MDN1: variants seen among roughly 807,000 people sequenced by gnomAD.
The protein encoded by MDN1 is midasin AAA ATPase 1.
MDN1 carries 266 observed loss-of-function variants against 669.2 expected under a neutral mutation model. The ratio of observed to expected loss-of-function variants is 0.40; its 90% CI spans 0.36 to 0.44. The LOEUF is 0.44. Among genes scored for constraint, MDN1 ranks in the 20% least tolerant of loss-of-function variants. The probability of loss-of-function intolerance (pLI) is 1.00; values close to 1 mark genes in which losing one functional copy is unlikely to be tolerated. For missense variants in MDN1, 5,940 were observed against 6,754.0 expected, an observed-to-expected ratio of 0.88 and a Z score of 4.22; for synonymous variants, 2,385 against 2,457.1, an observed-to-expected ratio of 0.97 and a Z score of 0.87.
Position 89,789,775 on chromosome 6 carries a change from C to T in MDN1, c.1230+5G>A, listed in dbSNP as rs1399951685. ...AGGGACAATGAATTTCCTGAGATGA[C>T]ATACCACGTCTAAGGGGGCATAGTC... On this transcript the variant is annotated splice_donor_5th_base_variant and intron_variant, in intron 7 of 101. Coordinates refer to ENST00000369393, the MANE Select transcript of MDN1 (RefSeq NM_014611.3). The T allele has an allele frequency of 2.5e-6, 4 of 1,583,192 alleles. No homozygotes were observed. Among genetic ancestry groups the T allele is most frequent in the South Asian group, 1.2e-5 (1 of 86,718 alleles).
At chr6:89,729,947 TG>T (rs1368703261) in intron 35 of MDN1, among the ~76,000 whole-genome samples, 2 of 152,182 alleles carry the variant, frequency 1.3e-5, no homozygotes, top group Admixed American at 6.5e-5. Flanking sequence ...GAACCTGGAC[TG>T]GTTATGTTCA....
intron 64 of MDN1, among the ~76,000 whole-genome samples, 184 bp from the exon 65 acceptor site, chr6:89,690,327 C>A (rs1236094170): frequency 5.9e-5 from 9 of 152,088 alleles, no homozygotes; most frequent in South Asian, 4.2e-4. Context: ...AATCCCTGTG[C>A]TTTGGGAGGC....
chr6:89,704,010 T>C lies in MDN1; in HGVS notation c.8149-1949A>G, dbSNP rs1395368907. 6.9e-5 allele frequency among the ~76,000 whole-genome samples: 5 copies of C among 72,564 alleles called. No individual in the cohort carries two copies. The Admixed American group carries it at 9.3e-4, about 14-fold the overall frequency. The allele number at this position is 72,564 out of a possible 152,430, so 47.6% of individuals were successfully genotyped here. A position where few individuals can be genotyped will look rare whatever the true frequency, so the allele number is the denominator to read the frequency against. Reference sequence around the variant, plus strand: ...TCTGGGCAACAAGAGAGAAACTCCGTCTCAAAAAAAAAAAAAAAAAAAATT... The same window carrying C: ...TCTGGGCAACAAGAGAGAAACTCCGCCTCAAAAAAAAAAAAAAAAAAAATT... On this transcript the variant is annotated intron_variant, in intron 53 of 101. Transcript: ENST00000369393.
Position 89,747,347 on chromosome 6 carries a change from G to A in MDN1, c.3886C>T (p.Gln1296Ter). The change falls in exon 27 of 102, where the codon CAG (glutamine) becomes TAG (stop). Residue 1296 changes from glutamine (Q) to a stop codon, truncating the protein, a stop_gained. Transcript: ENST00000369393. LOFTEE classifies it high-confidence loss of function. Reference protein sequence around the residue: ...EPTEKEYDWLQHLANDGYMLL... With the variant: ...EPTEKEYDWL ...AACACACCATCATTGGCTAAATGCT[G>A]TAGCCAGTCATACTCCTTCTCGGTC... The A allele has an allele frequency of 1.2e-6, 2 of 1,613,818 alleles. No individual in the cohort carries two copies. The highest frequency in any genetic ancestry group is 1.7e-6 in the Non-Finnish European group (2 of 1,179,926).
intron 1 of MDN1, among the ~76,000 whole-genome samples, chr6:89,816,002 C>T (rs1270151754): frequency 1.3e-5 from 2 of 152,186 alleles, no homozygotes; most frequent in East Asian, 3.8e-4. Flanking sequence ...AATTTCTGCC[C>T]TTTGTAAATT....
intron 23 of MDN1, 47 bp downstream of exon 23, chr6:89,751,384 C>G (rs752654101): frequency 6.2e-7 from 1 of 1,610,078 alleles, no homozygotes; most frequent in South Asian, 1.1e-5. Flanking sequence ...GTCATCAATG[C>G]CTATGCCTGT....
intron 84 of MDN1, among the ~76,000 whole-genome samples, chr6:89,666,747 G>A (rs947480196): frequency 6.6e-6 from 1 of 152,204 alleles, no homozygotes; most frequent in Non-Finnish European, 1.5e-5. Context: ...AGTCATGGCT[G>A]CAGTGAGCTA....
At position 89,686,991 on chromosome 6, in the gene MDN1, T is replaced by G. The variant is rs1812056576; in HGVS notation, c.11483A>C (p.Lys3828Thr). 4 of 1,592,230 alleles carry G rather than the reference T, an allele frequency of 2.5e-6. No individual in the cohort carries two copies. The highest frequency in any genetic ancestry group is 2.6e-6 in the Non-Finnish European group (3 of 1,167,700). Residue 3828 changes from lysine to threonine, a missense_variant, in exon 69 of 102, where the codon AAG (lysine) becomes ACG (threonine). Transcript: ENST00000369393. ...CWSMSLDNTM[K>T]RHTEKSTKHW... ...CTTGGTGGATTTCTCGGTGTGGCGC[T>G]TCATAGTATTATCCAAACTCATGGA...
chr6:89,662,016 C>A, intron 87 of MDN1, 71 bp downstream of exon 87: 2 of 1,526,964 alleles, frequency 1.3e-6, no homozygotes, highest in Non-Finnish European at 1.8e-6. Context: ...CTTGAGACAC[C>A]TTGAGAACTA....
intron 38 of MDN1, among the ~76,000 whole-genome samples, chr6:89,724,203 T>C (rs1292597202): frequency 6.6e-6 from 1 of 152,160 alleles, no homozygotes; most frequent in Admixed American, 6.5e-5. Context: ...TGTAAAATGC[T>C]TTTAAATCTG....
At chr6:89,654,008 C>T (rs1018455146) in intron 93 of MDN1, among the ~76,000 whole-genome samples, 156 bp downstream of exon 93, 1 of 152,090 alleles carries the variant, frequency 6.6e-6, no homozygotes, top group Non-Finnish European at 1.5e-5. Context: ...GTTTTCTGGT[C>T]CCAAACAAAA....
rs886543082 is a variant in MDN1 at position 89,687,326 on chromosome 6, G to A, written c.11450+18C>T. ...CCCTTACAACCTAAGTTTAGGAGAGGGAAGGAGAGTCACTTACTTCAGCTC... is the reference window on the plus strand; with the variant it reads ...CCCTTACAACCTAAGTTTAGGAGAGAGAAGGAGAGTCACTTACTTCAGCTC... On this transcript the variant is annotated intron_variant, in intron 68 of 101. Transcript: ENST00000369393. 1.9e-6 allele frequency: 3 copies of A among 1,607,616 alleles called. No individual in the cohort carries two copies. Among genetic ancestry groups the A allele is most frequent in the Non-Finnish European group, 8.5e-7 (1 of 1,174,986 alleles).
chr6:89,674,653 T>C (rs1307537527), intron 78 of MDN1, 64 bp from the exon 79 acceptor site: 1 of 1,486,746 alleles, frequency 6.7e-7, no homozygotes, highest in African/African-American at 1.4e-5. Context: ...TACCACATTG[T>C]TTTAAAAGAA....
chr6:89,678,748 G>A lies in MDN1; in HGVS notation c.12266-3C>T. ...ACTCACAGAGGAAATCACTTCACCTGTAAGGGAAAACAAGGCGGGGAGGGG... is the reference window on the plus strand; with the variant it reads ...ACTCACAGAGGAAATCACTTCACCTATAAGGGAAAACAAGGCGGGGAGGGG... On this transcript the variant is annotated splice_region_variant and splice_polypyrimidine_tract_variant and intron_variant, in intron 74 of 101. Coordinates refer to ENST00000369393, the MANE Select transcript of MDN1 (RefSeq NM_014611.3). 6.2e-7 allele frequency: 1 copy of A among 1,608,414 alleles called. No individual in the cohort carries two copies. Among genetic ancestry groups the A allele is most frequent in the Non-Finnish European group, 8.5e-7 (1 of 1,177,052 alleles).
intron 32 of MDN1, among the ~76,000 whole-genome samples, chr6:89,739,417 C>T (rs888691661): frequency 6.6e-6 from 1 of 152,124 alleles, no homozygotes; most frequent in Admixed American, 6.5e-5. Context: ...CAGAGCATAT[C>T]TTGAAGCATA....
chr6:89,707,927 G>C (rs1351396275), intron 51 of MDN1, among the ~76,000 whole-genome samples: 1 of 152,188 alleles, frequency 6.6e-6, no homozygotes, highest in Non-Finnish European at 1.5e-5. Context: ...TTGAGGACAG[G>C]AAATGATGTG....
chr6:89,803,355 A>G lies in MDN1; in HGVS notation c.302T>C (p.Leu101Pro). Reference sequence around the variant, plus strand: ...GAGGACATCAGGATGGTTACCAATGAGTTTGCTCATCGACACACATAGCCG... The same window carrying G: ...GAGGACATCAGGATGGTTACCAATGGGTTTGCTCATCGACACACATAGCCG... ...HERLCVSMSKLIGNHPDVLPF... is the reference protein window; with the variant it reads ...HERLCVSMSKPIGNHPDVLPF... Residue 101 changes from leucine (L) to proline (P), a missense_variant, in exon 2 of 102, where the codon CTC (leucine) becomes CCC (proline). Physicochemically the swap from Leu to Pro is moderately conservative, Grantham distance 98. This residue lies in a region of MDN1 where 1,203 missense variants were observed against 1,268.9 expected (regional missense o/e 0.95). Transcript: ENST00000369393. 1 of 1,614,170 alleles carries G rather than the reference A, an allele frequency of 6.2e-7. No homozygotes were observed. The highest frequency in any genetic ancestry group is 8.5e-7 in the Non-Finnish European group (1 of 1,180,032).
intron 27 of MDN1, among the ~76,000 whole-genome samples, chr6:89,747,001 T>C (rs771612305): frequency 1.3e-5 from 2 of 152,242 alleles, no homozygotes; most frequent in African/African-American, 4.8e-5. Context: ...CTAGCCAGAC[T>C]ACCTGTGGTG....
Position 89,750,238 on chromosome 6 carries a change from C to A in MDN1, c.3406+116G>T, listed in dbSNP as rs916024663. ...TCTTAGCTCAGGCATCAAGAAAAGC[C>A]GGCTGTTACAGCAAAGGTCCATGTG... On this transcript the variant is annotated intron_variant, in intron 24 of 101. Coordinates refer to ENST00000369393, the MANE Select transcript of MDN1 (RefSeq NM_014611.3). The A allele has an allele frequency of 3.8e-6, 4 of 1,050,224 alleles. No homozygotes were observed. The East Asian group carries it at 9.7e-5, about 26-fold the overall frequency. The allele number at this position is 1,050,224 out of a possible 1,614,324, so 65.1% of individuals were successfully genotyped here. A position where few individuals can be genotyped will look rare whatever the true frequency, so the allele number is the denominator to read the frequency against.
Sources: allele counts gnomAD v4.1 joint callset (sites outside exome capture counted in the v4.1 genomes callset), GRCh38; gene constraint gnomAD v4.1.1; regional missense constraint gnomAD v4.1.1; transcripts MANE v1.5; gene names NCBI Gene and HGNC (gene_info 2026-07-23, HGNC 2026-07-21).